The following ZFAND3 variants were observed in gnomAD, a reference collection of about 807,000 sequenced individuals.
The protein encoded by ZFAND3 is AN1-type zinc finger protein 3.
Under a neutral mutation model 29.6 loss-of-function variants are expected in ZFAND3, and 10 were observed. The observed-to-expected ratio is 0.34, with a 90% CI of 0.21 to 0.57. The LOEUF (loss-of-function observed/expected upper bound fraction) is 0.57, where lower values mean the gene tolerates loss of function less well. Ranked by LOEUF, ZFAND3 falls within the 20% of genes least tolerant of loss-of-function variation. The pLI, the probability that ZFAND3 is intolerant of heterozygous loss-of-function variation, is 0.86. For synonymous variants in ZFAND3, 128 were observed against 112.6 expected, an observed-to-expected ratio of 1.14 and a Z score of -0.87; for missense variants, 230 against 304.5, an observed-to-expected ratio of 0.76 and a Z score of 1.82.
At chr6:37,871,455 CTG>C (rs1764693854) in intron 1 of ZFAND3, among the ~76,000 whole-genome samples, 1 of 152,162 alleles carries the variant, frequency 6.6e-6, no homozygotes, top group African/African-American at 2.4e-5. Flanking sequence ...CTGGTGGAGA[CTG>C]AGAATATGTA....
At chr6:38,114,693 A>G (rs893319806) in intron 4 of ZFAND3, among the ~76,000 whole-genome samples, 1 of 152,034 alleles carries the variant, frequency 6.6e-6, no homozygotes, top group African/African-American at 2.4e-5. Context: ...GGTGAAGTGC[A>G]GCATCTTCCT....
chr6:38,112,864 G>A (rs1160843350), intron 4 of ZFAND3, among the ~76,000 whole-genome samples: 7 of 152,212 alleles, frequency 4.6e-5, no homozygotes, highest in Non-Finnish European at 1.0e-4. Flanking sequence ...AAGTGAGGAT[G>A]ATTCTATAGA....
intron 1 of ZFAND3, among the ~76,000 whole-genome samples, chr6:37,873,159 T>C (rs1764726631): frequency 6.6e-6 from 1 of 152,128 alleles, no homozygotes; most frequent in Non-Finnish European, 1.5e-5. Context: ...TAGTACCAGC[T>C]ACTTGGGAGG....
At chr6:37,860,883 C>G (rs960610176) in intron 1 of ZFAND3, among the ~76,000 whole-genome samples, 2 of 151,988 alleles carry the variant, frequency 1.3e-5, no homozygotes, top group South Asian at 4.1e-4. Context: ...ATATGGTACT[C>G]CATGAAGCCT....
rs919642081 is a variant in ZFAND3 at position 38,154,186 on chromosome 6, T to G, written c.*1797T>G. 1.4e-5 allele frequency: 14 copies of G among 985,476 alleles called. No homozygotes were observed. The highest frequency in any genetic ancestry group is 6.0e-6 in the Non-Finnish European group (5 of 830,036). 61.0% of individuals were successfully genotyped at this position (985,476 alleles called of 1,614,324 possible). A position where few individuals can be genotyped will look rare whatever the true frequency, so the allele number is the denominator to read the frequency against. On this transcript the variant is annotated 3_prime_UTR_variant, in exon 6 of 6. Transcript: ENST00000287218. ...CCCTTGGCCACCATACGGGCCATCCTCAGTGAGGCAGCCCCCCATAGGCTT... is the reference window on the plus strand; with the variant it reads ...CCCTTGGCCACCATACGGGCCATCCGCAGTGAGGCAGCCCCCCATAGGCTT...
rs532106571 is a variant in ZFAND3 at position 38,119,819 on chromosome 6, A to G, written c.529+3080A>G. Among the ~76,000 whole-genome samples the G allele has an allele frequency of 3.9e-5, 6 of 152,368 alleles. No individual in the cohort carries two copies. The South Asian group carries it at 1.2e-3, about 32-fold the overall frequency. ...CTTCCCTTTGATCTTCAAAAGAGCA[A>G]TTTGTAAGGCGAGTTCTGAGCCTTC... On this transcript the variant is annotated intron_variant, in intron 5 of 5. Coordinates refer to ENST00000287218, the MANE Select transcript of ZFAND3 (RefSeq NM_021943.3).
chr6:38,064,445 A>G (rs552494381), intron 3 of ZFAND3, among the ~76,000 whole-genome samples: 1 of 152,366 alleles, frequency 6.6e-6, no homozygotes, highest in Non-Finnish European at 1.5e-5. Flanking sequence ...GCCTGTGGTC[A>G]CAAACGAGTA....
At chr6:38,145,461 G>T (rs1193144950) in intron 5 of ZFAND3, among the ~76,000 whole-genome samples, 1 of 152,208 alleles carries the variant, frequency 6.6e-6, no homozygotes, top group East Asian at 1.9e-4. Flanking sequence ...TGTGCAGATT[G>T]TTCTCAGTCA....
intron 1 of ZFAND3, among the ~76,000 whole-genome samples, chr6:37,912,401 T>C (rs1458044729): frequency 6.6e-6 from 1 of 152,200 alleles, no homozygotes; most frequent in Non-Finnish European, 1.5e-5. Context: ...AGTTGGCGAA[T>C]ATACATATGG....
intron 2 of ZFAND3, among the ~76,000 whole-genome samples, chr6:37,959,172 T>C (rs1762152441): frequency 6.6e-6 from 1 of 152,250 alleles, no homozygotes; most frequent in Non-Finnish European, 1.5e-5. Flanking sequence ...TTTGTGCTGG[T>C]TTTAACCAAT....
intron 2 of ZFAND3, among the ~76,000 whole-genome samples, chr6:37,981,324 G>T (rs1240867536): frequency 6.6e-6 from 1 of 152,212 alleles, no homozygotes; most frequent in Non-Finnish European, 1.5e-5. Flanking sequence ...GTACGACCTT[G>T]TTCAGGACTC....
chr6:37,848,163 C>T (rs1480031665), intron 1 of ZFAND3, among the ~76,000 whole-genome samples: 1 of 152,224 alleles, frequency 6.6e-6, no homozygotes. Flanking sequence ...CCTTTCTTTA[C>T]TCTTTGTCAC....
chr6:37,901,230 A>T (rs184536297), intron 1 of ZFAND3, among the ~76,000 whole-genome samples: 1 of 152,212 alleles, frequency 6.6e-6, no homozygotes, highest in Non-Finnish European at 1.5e-5. Context: ...TACCGATAGC[A>T]TATTAAGGAA....
intron 2 of ZFAND3, among the ~76,000 whole-genome samples, chr6:38,016,094 G>GT (rs1440647999): frequency 7.1e-6 from 1 of 141,228 alleles, no homozygotes; most frequent in Non-Finnish European, 1.7e-5. Flanking sequence ...TAAGACAGTA[G>GT]TTCCTTAGAC....
At chr6:37,862,570 G>C (rs1764512286) in intron 1 of ZFAND3, among the ~76,000 whole-genome samples, 1 of 151,478 alleles carries the variant, frequency 6.6e-6, no homozygotes, top group Admixed American at 6.6e-5. Flanking sequence ...TATAGGCTCA[G>C]CTACTCAGGA....
chr6:37,922,858 A>G (rs1761408576), intron 1 of ZFAND3, among the ~76,000 whole-genome samples: 1 of 152,238 alleles, frequency 6.6e-6, no homozygotes. Flanking sequence ...GAGTCAGTGA[A>G]TGAGTAGTGA....
Position 37,924,423 on chromosome 6 carries a change from G to A in ZFAND3, c.72-5536G>A, listed in dbSNP as rs1346851397. Among the ~76,000 whole-genome samples, 2 of 151,466 alleles carry A rather than the reference G, an allele frequency of 1.3e-5. 1 individual carries two copies. On this transcript the variant is annotated intron_variant, in intron 1 of 5. Transcript: ENST00000287218. The stretch of plus-strand genomic sequence containing the variant: ...ATACCAACCAAGAGTGACCAAAGGA[G>A]TCTTTGCTCTTATGGCACTTACATT...
chr6:37,886,280 A>AAAAAAAAAAAAC lies in ZFAND3; in HGVS notation c.72-43678_72-43677insAAAAAAAAAACA, dbSNP rs1561922411. Among the ~76,000 whole-genome samples, 17 of 128,860 alleles carry AAAAAAAAAAAAC rather than the reference A, an allele frequency of 1.3e-4. 1 individual carries two copies. The highest frequency in any genetic ancestry group is 5.2e-4 in the African/African-American group (17 of 32,952). 84.5% of individuals were successfully genotyped at this position (128,860 alleles called of 152,430 possible). A position where few individuals can be genotyped will look rare whatever the true frequency, so the allele number is the denominator to read the frequency against. ...AAAAAAAAAAAAAAAAAAAAAAAAA[A>AAAAAAAAAAAAC]AGTTCAAAGAATATGCTGTTACTCA... On this transcript the variant is annotated intron_variant, in intron 1 of 5. Coordinates refer to ENST00000287218, the MANE Select transcript of ZFAND3 (RefSeq NM_021943.3).
intron 3 of ZFAND3, 34 bp from the exon 4 acceptor site, chr6:38,082,358 G>T (rs184778014): frequency 1.3e-6 from 2 of 1,599,452 alleles, no homozygotes; most frequent in East Asian, 2.2e-5. Flanking sequence ...TAAAGGATGT[G>T]TCCTGACTGA....
Sources: allele counts gnomAD v4.1 joint callset (sites outside exome capture counted in the v4.1 genomes callset), GRCh38; gene constraint gnomAD v4.1.1; transcripts MANE v1.5; gene names NCBI Gene and HGNC (gene_info 2026-07-23, HGNC 2026-07-21).